SNTB1: variants seen among roughly 807,000 people sequenced by gnomAD.
SNTB1 encodes syntrophin beta 1.
Under a neutral mutation model 48.9 loss-of-function variants are expected in SNTB1, and 36 were observed. That is an observed-to-expected ratio of 0.74 (90% CI 0.56 to 0.97). The LOEUF (loss-of-function observed/expected upper bound fraction) is 0.97. SNTB1 is among the 50% of genes least tolerant of loss of function. The pLI is 0.00. For missense variants in SNTB1, 786 were observed against 703.4 expected, an observed-to-expected ratio of 1.12 and a Z score of -1.33; for synonymous variants, 299 against 294.6, an observed-to-expected ratio of 1.01 and a Z score of -0.15.
intron 1 of SNTB1, among the ~76,000 whole-genome samples, chr8:120,791,668 G>A (rs1349054093): frequency 1.3e-5 from 2 of 152,012 alleles, no homozygotes; most frequent in Admixed American, 1.3e-4. Flanking sequence ...TTTCTCAAAA[G>A]AAGATATACA....
chr8:120,804,718 G>A (rs534194662), intron 1 of SNTB1, among the ~76,000 whole-genome samples: 6 of 151,852 alleles, frequency 4.0e-5, no homozygotes, highest in African/African-American at 1.4e-4. Context: ...TCTGTAATAC[G>A]CCCCCCCAAG....
At chr8:120,701,294 T>C (rs917351732) in intron 1 of SNTB1, among the ~76,000 whole-genome samples, 12 of 152,312 alleles carry the variant, frequency 7.9e-5, no homozygotes, top group Non-Finnish European at 1.5e-4. Flanking sequence ...CCTGGGAGTC[T>C]GAGACCTGGA....
intron 3 of SNTB1, among the ~76,000 whole-genome samples, chr8:120,593,272 T>C (rs992726003): frequency 6.6e-6 from 1 of 152,200 alleles, no homozygotes; most frequent in Non-Finnish European, 1.5e-5. Context: ...AAAGGAAAGA[T>C]GCCCTGAGCC....
At chr8:120,798,978 T>G (rs1456242602) in intron 1 of SNTB1, among the ~76,000 whole-genome samples, 2 of 152,050 alleles carry the variant, frequency 1.3e-5, no homozygotes, top group Middle Eastern at 3.2e-3. Context: ...CATCTTTTTG[T>G]TGGGAGTACA....
intron 3 of SNTB1, among the ~76,000 whole-genome samples, chr8:120,595,091 G>C (rs1317091824): frequency 6.6e-6 from 1 of 152,064 alleles, no homozygotes; most frequent in Non-Finnish European, 1.5e-5. Flanking sequence ...CTTGAGGCTT[G>C]ACTGCACAGG....
chr8:120,690,748 A>G (rs1818111401), intron 2 of SNTB1, among the ~76,000 whole-genome samples: 1 of 152,192 alleles, frequency 6.6e-6, no homozygotes, highest in Non-Finnish European at 1.5e-5. Context: ...TGCAGATTCC[A>G]CATTTCTGAT....
intron 2 of SNTB1, among the ~76,000 whole-genome samples, chr8:120,652,042 C>G (rs1817418726): frequency 6.6e-6 from 1 of 152,106 alleles, no homozygotes; most frequent in South Asian, 2.1e-4. Context: ...AACTTTGTAT[C>G]TTTTAAATTT....
At chr8:120,672,474 G>A (rs1414365263) in intron 2 of SNTB1, among the ~76,000 whole-genome samples, 1 of 152,164 alleles carries the variant, frequency 6.6e-6, no homozygotes, top group Non-Finnish European at 1.5e-5. Flanking sequence ...GGTCAATCCT[G>A]GGGGTGAGGA....
chr8:120,615,130 A>T (rs1383222284), intron 3 of SNTB1, among the ~76,000 whole-genome samples: 2 of 152,128 alleles, frequency 1.3e-5, no homozygotes, highest in Non-Finnish European at 2.9e-5. Flanking sequence ...CAGTGTGGTG[A>T]CAGAGCGAGA....
chr8:120,542,748 A>G (rs1203555607), intron 5 of SNTB1, among the ~76,000 whole-genome samples: 4 of 152,024 alleles, frequency 2.6e-5, no homozygotes, highest in African/African-American at 9.7e-5. Flanking sequence ...ACACAATTAT[A>G]TCTACCACTT....
At chr8:120,633,693 CAG>C (rs982418111) in intron 2 of SNTB1, among the ~76,000 whole-genome samples, 4 of 151,794 alleles carry the variant, frequency 2.6e-5, no homozygotes, top group African/African-American at 9.7e-5. Flanking sequence ...ACTGGAGAAA[CAG>C]AGAGAGAGAG....
intron 3 of SNTB1, among the ~76,000 whole-genome samples, chr8:120,608,532 C>A (rs767847544): frequency 6.6e-6 from 1 of 152,142 alleles, no homozygotes; most frequent in Non-Finnish European, 1.5e-5. Context: ...CATCTACAAG[C>A]CAGGGGGAGA....
At chr8:120,786,885 A>T (rs1819931450) in intron 1 of SNTB1, among the ~76,000 whole-genome samples, 1 of 152,180 alleles carries the variant, frequency 6.6e-6, no homozygotes, top group African/African-American at 2.4e-5. Flanking sequence ...GATTTTACCC[A>T]TAGCCATCTC....
intron 2 of SNTB1, among the ~76,000 whole-genome samples, chr8:120,672,425 A>T (rs1256427653): frequency 6.6e-6 from 1 of 152,250 alleles, no homozygotes; most frequent in East Asian, 1.9e-4. Flanking sequence ...CATTAAAGCC[A>T]TTAAACATTA....
chr8:120,592,713 A>C (rs1275988258), intron 3 of SNTB1, among the ~76,000 whole-genome samples: 1 of 152,156 alleles, frequency 6.6e-6, no homozygotes, highest in Non-Finnish European at 1.5e-5. Flanking sequence ...CAAATAAATA[A>C]AGAAATATAT....
At chr8:120,661,398 C>A (rs993724665) in intron 2 of SNTB1, among the ~76,000 whole-genome samples, 1 of 152,080 alleles carries the variant, frequency 6.6e-6, no homozygotes, top group Non-Finnish European at 1.5e-5. Flanking sequence ...AGCCTAACTT[C>A]CAGAGAAGAG....
chr8:120,617,043 C>T lies in SNTB1; in HGVS notation c.996+15401G>A, dbSNP rs543221178. ...CATGGCCCATGGGCCACATGTGGCC[C>T]GGGACAGCTTTGAATGAGGCCCAAC... On this transcript the variant is annotated intron_variant, in intron 3 of 6. Transcript: ENST00000517992. Among the ~76,000 whole-genome samples, 19 of 152,268 alleles carry T rather than the reference C, an allele frequency of 1.2e-4. No homozygotes were observed. In the South Asian group the frequency reaches 2.3e-3, roughly 18 times the overall value.
At chr8:120,774,949 C>T (rs577259511) in intron 1 of SNTB1, among the ~76,000 whole-genome samples, 26 of 152,108 alleles carry the variant, frequency 1.7e-4, no homozygotes, top group Non-Finnish European at 3.2e-4. Flanking sequence ...CCACCACGCC[C>T]GGCCAGAAGA....
At chr8:120,761,611 G>A (rs77781226) in intron 1 of SNTB1, among the ~76,000 whole-genome samples, 5,812 of 152,208 alleles carry the variant, frequency 0.038, 377 homozygotes, top group African/African-American at 0.13. Context: ...AAGAAAAAGA[G>A]AAAACTTGGA....
Sources: gnomAD v4.1 joint callset for allele counts (sites outside exome capture counted in the v4.1 genomes callset) on GRCh38, gnomAD v4.1.1 for gene constraint, MANE v1.5 for transcripts, NCBI Gene and HGNC (gene_info 2026-07-23, HGNC 2026-07-21) for gene names.